SOX5: variants seen among roughly 807,000 people sequenced by gnomAD.
SOX5 encodes transcription factor SOX-5.
A neutral mutation model predicts 92.0 loss-of-function variants in SOX5; 9 were observed. The ratio of observed to expected loss-of-function variants is 0.10; its 90% CI spans 0.06 to 0.17. The LOEUF (loss-of-function observed/expected upper bound fraction) is 0.17, where lower values mean the gene tolerates loss of function less well. Ranked by LOEUF, SOX5 falls within the 10% of genes least tolerant of loss-of-function variation. The pLI, the probability that SOX5 is intolerant of heterozygous loss-of-function variation, is 1.00. For missense variants in SOX5, 642 were observed against 944.5 expected (o/e 0.68, Z 4.20); for synonymous variants, 344 against 336.3 (o/e 1.02, Z -0.25).
chr12:23,826,437 C>G (rs950329161), intron 3 of SOX5, among the ~76,000 whole-genome samples: 1 of 152,124 alleles, frequency 6.6e-6, no homozygotes, highest in African/African-American at 2.4e-5. Flanking sequence ...AGTTCTCCTT[C>G]AAAACTTAAG....
chr12:23,779,703 C>T (rs572282731), intron 3 of SOX5, among the ~76,000 whole-genome samples: 3 of 149,352 alleles, frequency 2.0e-5, no homozygotes, highest in Admixed American at 6.7e-5. Flanking sequence ...TGTTTTCTGG[C>T]AACTTCTTTT....
intron 8 of SOX5, among the ~76,000 whole-genome samples, chr12:23,635,287 GA>G (rs2079077854): frequency 6.6e-6 from 1 of 152,108 alleles, no homozygotes; most frequent in South Asian, 2.1e-4. Context: ...CCAGGGTGGA[GA>G]AAGAACTTCA....
intron 1 of SOX5, among the ~76,000 whole-genome samples, chr12:23,929,009 C>G (rs554175107): frequency 1.4e-5 from 2 of 140,436 alleles, no homozygotes; most frequent in African/African-American, 2.6e-5. Context: ...AATTAAGTGA[C>G]TGCTCTGGTA....
At chr12:24,089,929 A>T (rs1212747153) in intron 4 of SOX5, among the ~76,000 whole-genome samples, 2 of 152,202 alleles carry the variant, frequency 1.3e-5, no homozygotes, top group East Asian at 3.9e-4. Flanking sequence ...TATTACACTT[A>T]TCTCTGTTAT....
At chr12:24,478,022 A>G (rs867335991) in intron 1 of SOX5, among the ~76,000 whole-genome samples, 1 of 152,302 alleles carries the variant, frequency 6.6e-6, no homozygotes, top group Middle Eastern at 3.4e-3. Context: ...AAGAAGCTGA[A>G]ACCCCTCAAA....
chr12:23,727,388 G>T (rs912945920), intron 6 of SOX5, among the ~76,000 whole-genome samples: 40 of 152,190 alleles, frequency 2.6e-4, no homozygotes, highest in African/African-American at 9.1e-4. Flanking sequence ...CACATATCCA[G>T]GAAAAGAGGA....
At chr12:23,973,067 T>A (rs1176638522) in intron 4 of SOX5, among the ~76,000 whole-genome samples, 1 of 152,114 alleles carries the variant, frequency 6.6e-6, no homozygotes, top group Non-Finnish European at 1.5e-5. Flanking sequence ...GATAATAAAG[T>A]ATTTTTCTTT....
At chr12:24,001,783 AG>A (rs759429901) in intron 4 of SOX5, among the ~76,000 whole-genome samples, 1 of 152,196 alleles carries the variant, frequency 6.6e-6, no homozygotes, top group South Asian at 2.1e-4. Flanking sequence ...TCACAAAGAA[AG>A]CAATACAGGA....
At chr12:24,239,202 TC>T (rs1965096380) in intron 3 of SOX5, among the ~76,000 whole-genome samples, 1 of 152,200 alleles carries the variant, frequency 6.6e-6, no homozygotes, top group Non-Finnish European at 1.5e-5. Context: ...GAGGAAGCAT[TC>T]TTACCAAATA....
At chr12:23,999,140 C>CTGTCTG (rs1951337912) in intron 4 of SOX5, among the ~76,000 whole-genome samples, 1 of 141,306 alleles carries the variant, frequency 7.1e-6, no homozygotes, top group Admixed American at 7.2e-5. Flanking sequence ...AAAAAAGACT[C>CTGTCTG]TGTGTGTGTG....
chr12:24,373,414 T>G (rs1392561165), intron 1 of SOX5, among the ~76,000 whole-genome samples: 2 of 152,212 alleles, frequency 1.3e-5, no homozygotes, highest in African/African-American at 4.8e-5. Flanking sequence ...TTTCAGTGTG[T>G]ACAATATGCT....
At chr12:24,320,178 T>G (rs1950073627) in intron 2 of SOX5, among the ~76,000 whole-genome samples, 1 of 152,232 alleles carries the variant, frequency 6.6e-6, no homozygotes, top group Non-Finnish European at 1.5e-5. Flanking sequence ...GGGGGAAAAG[T>G]ATTACTTTAA....
At chr12:24,437,060 T>C (rs1002980784) in intron 1 of SOX5, among the ~76,000 whole-genome samples, 8 of 152,214 alleles carry the variant, frequency 5.3e-5, no homozygotes, top group African/African-American at 1.9e-4. Flanking sequence ...TCATTAACAA[T>C]GCACTTGGTC....
At chr12:24,158,660 T>G (rs374266440) in intron 4 of SOX5, among the ~76,000 whole-genome samples, 1 of 151,986 alleles carries the variant, frequency 6.6e-6, no homozygotes, top group East Asian at 1.9e-4. Context: ...GTTCAAATTC[T>G]TTTTGGAATT....
intron 1 of SOX5, among the ~76,000 whole-genome samples, chr12:23,932,049 A>T (rs3884605): frequency 0.35 from 52,634 of 150,824 alleles, 10,350 homozygotes; most frequent in Non-Finnish European, 0.46. Context: ...TTTCTTAAAA[A>T]TCTAAGCCAA....
At chr12:23,668,735 G>T (rs539608112) in intron 6 of SOX5, among the ~76,000 whole-genome samples, 2 of 151,810 alleles carry the variant, frequency 1.3e-5, no homozygotes, top group South Asian at 2.1e-4. Flanking sequence ...CATGTTATTC[G>T]CAGGTTAAAT....
intron 3 of SOX5, among the ~76,000 whole-genome samples, chr12:23,844,244 C>A (rs1594974825): frequency 2.0e-5 from 3 of 152,308 alleles, no homozygotes; most frequent in South Asian, 4.1e-4. Context: ...GAGTATCCTA[C>A]TGCATACAGG....
At chr12:24,523,580 A>T (rs1011636662) in intron 1 of SOX5, among the ~76,000 whole-genome samples, 2 of 152,220 alleles carry the variant, frequency 1.3e-5, no homozygotes, top group Non-Finnish European at 2.9e-5. Flanking sequence ...CCCAGTAGGA[A>T]ATTTGCACAT....
At chr12:23,872,651 C>T (rs1309832378) in intron 2 of SOX5, among the ~76,000 whole-genome samples, 2 of 152,164 alleles carry the variant, frequency 1.3e-5, no homozygotes, top group Non-Finnish European at 2.9e-5. Context: ...ATCACAGAGA[C>T]TTAATATACA....
Sources: gnomAD v4.1 joint callset for allele counts (sites outside exome capture counted in the v4.1 genomes callset) on GRCh38, gnomAD v4.1.1 for gene constraint, MANE v1.5 for transcripts, NCBI Gene and HGNC (gene_info 2026-07-23, HGNC 2026-07-21) for gene names.